ADD3: variants seen among roughly 807,000 people sequenced by gnomAD.
The protein encoded by ADD3 is adducin 3.
ADD3 carries 25 observed loss-of-function variants against 80.2 expected under a neutral mutation model. The observed-to-expected ratio is 0.31, with a 90% CI of 0.23 to 0.44. ADD3 has a LOEUF of 0.44. ADD3 is among the 20% of genes least tolerant of loss of function. The pLI is 1.00. For missense variants in ADD3, 829 were observed against 847.5 expected, an observed-to-expected ratio of 0.98 and a Z score of 0.27; for synonymous variants, 284 against 289.6, an observed-to-expected ratio of 0.98 and a Z score of 0.20.
chr10:110,047,533 A>G (rs535265546), intron 1 of ADD3, among the ~76,000 whole-genome samples: 1 of 152,340 alleles, frequency 6.6e-6, no homozygotes, highest in Admixed American at 6.5e-5. Flanking sequence ...TGAGGCCTAG[A>G]TAATTTTTTA....
upstream of ADD3, among the ~76,000 whole-genome samples, chr10:110,003,475 T>A (rs191402475): frequency 2.4e-4 from 36 of 150,974 alleles, no homozygotes; most frequent in African/African-American, 8.9e-4. Flanking sequence ...TATATTTACA[T>A]AGTGCTTTGA....
At chr10:110,056,692 A>G (rs1229627917) in intron 1 of ADD3, among the ~76,000 whole-genome samples, 2 of 152,196 alleles carry the variant, frequency 1.3e-5, no homozygotes, top group Non-Finnish European at 2.9e-5. Context: ...GAAATGGACA[A>G]ATCAGATTTG....
intron 1 of ADD3, among the ~76,000 whole-genome samples, chr10:110,058,296 C>T (rs1478275865): frequency 1.3e-5 from 2 of 152,084 alleles, no homozygotes; most frequent in Admixed American, 6.6e-5. Context: ...TCCACTTTAA[C>T]GTGAACTAAG....
At chr10:110,006,712 G>A (rs1851662733), upstream of ADD3, among the ~76,000 whole-genome samples, 2 of 148,602 alleles carry the variant, frequency 1.3e-5, no homozygotes, top group African/African-American at 2.5e-5. Flanking sequence ...TATGTGGGAA[G>A]AGGAAACTAC....
At chr10:110,006,004 T>TGCCGCC (rs1208318196), upstream of ADD3, 14 of 242,732 alleles carry the variant, frequency 5.8e-5, no homozygotes, top group Admixed American at 9.5e-5. Flanking sequence ...CTGCTGCTGC[T>TGCCGCC]GCCGCCGCCG....
intron 1 of ADD3, among the ~76,000 whole-genome samples, chr10:110,000,527 A>G (rs530054376): frequency 2.3e-4 from 35 of 152,348 alleles, no homozygotes; most frequent in African/African-American, 7.9e-4. Context: ...AGCAACTGGT[A>G]AAGACTTCTA....
chr10:110,011,360 C>T (rs932611471), intron 1 of ADD3, among the ~76,000 whole-genome samples: 3 of 152,314 alleles, frequency 2.0e-5, no homozygotes, highest in Non-Finnish European at 4.4e-5. Flanking sequence ...TGCTGCTTCA[C>T]CATTGTAGTT....
At chr10:110,043,193 C>T (rs921713859) in intron 1 of ADD3, among the ~76,000 whole-genome samples, 5 of 152,234 alleles carry the variant, frequency 3.3e-5, no homozygotes, top group South Asian at 2.1e-4. Context: ...TTCATTTGAA[C>T]GGCTTGGCCT....
chr10:110,038,662 T>C (rs558310631), intron 1 of ADD3, among the ~76,000 whole-genome samples: 1 of 152,222 alleles, frequency 6.6e-6, no homozygotes. Context: ...TACATATATA[T>C]GTTAAAATGT....
chr10:110,128,664 G>A (rs769169035), intron 12 of ADD3, among the ~76,000 whole-genome samples: 1 of 152,262 alleles, frequency 6.6e-6, no homozygotes, highest in East Asian at 1.9e-4. Context: ...TGATCTGCCC[G>A]CCTTGGCCTC....
chr10:109,997,440 T>G (rs1294520488), intron 1 of ADD3: 3 of 152,174 alleles, frequency 2.0e-5, no homozygotes, highest in African/African-American at 7.2e-5. Flanking sequence ...GTAAAGGAAT[T>G]TCACAGACCT....
intron 1 of ADD3, among the ~76,000 whole-genome samples, chr10:110,054,626 T>C (rs1271957615): frequency 6.6e-6 from 1 of 150,606 alleles, no homozygotes; most frequent in African/African-American, 2.4e-5. Flanking sequence ...TTTTTTTTTT[T>C]TTTTTAGACG....
intron 1 of ADD3, among the ~76,000 whole-genome samples, chr10:109,998,880 C>T (rs1408505362): frequency 1.3e-5 from 2 of 149,194 alleles, no homozygotes; most frequent in East Asian, 4.0e-4. Flanking sequence ...ATTTTACTTT[C>T]TTCTTAGCCT....
rs193008772 is a variant in ADD3, at chr10:110,038,431, G to A, written c.-30+30132G>A. ...ACTAGAGCTCAAATCTGGGACAGCAGCGTAAAAACAATTTTGTATGCTGTT... is the reference window on the plus strand; with the variant it reads ...ACTAGAGCTCAAATCTGGGACAGCAACGTAAAAACAATTTTGTATGCTGTT... On this transcript the variant is annotated intron_variant, in intron 1 of 14. Coordinates refer to ENST00000356080, the MANE Select transcript of ADD3 (RefSeq NM_016824.5). 1.4e-3 allele frequency among the ~76,000 whole-genome samples: 215 copies of A among 152,300 alleles called. 1 individual carries two copies. The highest frequency in any genetic ancestry group is 2.6e-3 in the Non-Finnish European group (174 of 68,028).
Position 110,119,772 on chromosome 10 carries a change from TCTAAGGGCCTCATAA to T in ADD3, c.960+209_960+223del. On this transcript the variant is annotated intron_variant, in intron 8 of 14. Coordinates refer to ENST00000356080, the MANE Select transcript of ADD3 (RefSeq NM_016824.5). ...GAAATTAAAATTTTCTCACACACAA[TCTAAGGGCCTCATAA>T]ACATCATTTTCCCTACAATCCTGCT... is the stretch of plus-strand genomic sequence containing the variant. 1.5e-5 allele frequency: 7 copies of T among 477,264 alleles called. No individual in the cohort carries two copies. In the South Asian group the frequency reaches 1.9e-4, roughly 13 times the overall value. 29.6% of individuals were successfully genotyped at this position (477,264 alleles called of 1,614,324 possible).
At chr10:110,086,020 G>A (rs752165344) in intron 1 of ADD3, among the ~76,000 whole-genome samples, 4 of 152,096 alleles carry the variant, frequency 2.6e-5, no homozygotes, top group South Asian at 2.1e-4. Context: ...CACGAGAATC[G>A]CTTGAACCTG....
At chr10:110,068,761 A>T (rs1478996994) in intron 1 of ADD3, among the ~76,000 whole-genome samples, 4 of 152,208 alleles carry the variant, frequency 2.6e-5, no homozygotes, top group African/African-American at 9.7e-5. Context: ...CCCTTGCTTT[A>T]TATAAAGTAT....
rs1850222850 is a variant in ADD3 at position 110,112,869 on chromosome 10, T to C, written c.288T>C (p.Asp96=). The C allele has an allele frequency of 6.2e-7, 1 of 1,614,132 alleles. No individual in the cohort carries two copies. The highest frequency in any genetic ancestry group is 1.3e-5 in the African/African-American group (1 of 75,044). Residue 96 remains aspartate, a synonymous_variant, in exon 3 of 15, where the codon GAT becomes GAC. Coordinates refer to ENST00000356080, the MANE Select transcript of ADD3 (RefSeq NM_016824.5). ...TACTAGCATTACAGCAGATTGCAGA[T>C]TACATCATGGCCAATTCTTTCTCGG... ...TGLLALQQIA[D]YIMANSFSGF... is the part of the protein sequence containing the mutation.
upstream of ADD3, among the ~76,000 whole-genome samples, chr10:110,002,945 A>G (rs760129608): frequency 1.3e-5 from 2 of 152,212 alleles, no homozygotes; most frequent in Non-Finnish European, 2.9e-5. Flanking sequence ...TGGGGAATGG[A>G]GAACTCATTA....
Sources: gnomAD v4.1 joint callset for allele counts (sites outside exome capture counted in the v4.1 genomes callset) on GRCh38, gnomAD v4.1.1 for gene constraint, MANE v1.5 for transcripts, NCBI Gene and HGNC (gene_info 2026-07-23, HGNC 2026-07-21) for gene names.